The following SLC12A5 variants were observed in gnomAD, a reference collection of about 807,000 sequenced individuals.
The protein encoded by SLC12A5 is K-Cl cotransporter 2.
Under a neutral mutation model 124.0 loss-of-function variants are expected in SLC12A5, and 18 were observed. The ratio of observed to expected loss-of-function variants is 0.15; its 90% confidence interval spans 0.10 to 0.22. The LOEUF (loss-of-function observed/expected upper bound fraction) is 0.22, where lower values mean the gene tolerates loss of function less well. Among genes scored for constraint, SLC12A5 ranks in the 10% least tolerant of loss-of-function variants. SLC12A5 has a pLI of 1.00. For synonymous variants in SLC12A5, 589 were observed against 568.0 expected (o/e 1.04, Z -0.53); for missense variants, 867 against 1,478.7 (o/e 0.59, Z 6.78).
In SLC12A5 at chr20:46,057,878, G is replaced by T. The variant is rs1319703650; in HGVS notation, c.*273G>T. On this transcript the variant is annotated 3_prime_UTR_variant, in exon 26 of 26. Coordinates refer to ENST00000243964, the MANE Select transcript of SLC12A5 (RefSeq NM_020708.5). This position sits in a 1 kb window ranked among gnomAD's most constrained non-coding sequence, Gnocchi z 7.1. ...CCGGCCTCGTCTCGCCGGAGGAGAC[G>T]CTGCAATAAAGGTTGGGAGAAGGCG... 4 of 408,774 alleles carry T rather than the reference G, an allele frequency of 9.8e-6. No individual in the cohort carries two copies. Among genetic ancestry groups the T allele is most frequent in the Non-Finnish European group, 4.3e-6 (1 of 230,598 alleles). 25.3% of individuals were successfully genotyped at this position (408,774 alleles called of 1,614,324 possible). A position where few individuals can be genotyped will look rare whatever the true frequency, so the allele number is the denominator to read the frequency against.
At chr20:46,021,782 C>T (rs2084356722), upstream of SLC12A5, 1 of 1,532,962 alleles carries the variant, frequency 6.5e-7, no homozygotes, top group Non-Finnish European at 8.7e-7. Context: ...CGCAGGTTCA[C>T]GGTCACCTCG....
rs77043119 is a variant in SLC12A5, at chr20:46,035,663, G to A, written c.280-114G>A. 639 of 1,511,302 alleles carry A rather than the reference G, an allele frequency of 4.2e-4. 8 individuals are homozygous for A. The East Asian group carries it at 0.013, about 31-fold the overall frequency. The allele number at this position is 1,511,302 out of a possible 1,614,324, so 93.6% of individuals were successfully genotyped here. A position where few individuals can be genotyped will look rare whatever the true frequency, so the allele number is the denominator to read the frequency against. The stretch of plus-strand genomic sequence containing the variant: ...ACAAATCAGAAAGAAGAGGGATGAA[G>A]GGTTGAGAATAGAGAGAAGAGGAAG... On this transcript the variant is annotated intron_variant, in intron 3 of 25. Transcript: ENST00000243964.
intron 9 of SLC12A5, 67 bp downstream of exon 9, chr20:46,043,390 A>T: frequency 3.2e-6 from 5 of 1,555,216 alleles, no homozygotes; most frequent in Non-Finnish European, 3.5e-6. Flanking sequence ...GTCGATGATG[A>T]TGTTGGGAAT....
intron 16 of SLC12A5, 125 bp downstream of exon 16, chr20:46,048,210 A>G (rs935417181): frequency 2.0e-5 from 15 of 759,634 alleles, no homozygotes; most frequent in African/African-American, 1.9e-4. Flanking sequence ...TCGTGCCCTA[A>G]AAGCCCAGCC....
chr20:46,054,899 C>T lies in SLC12A5; in HGVS notation c.2680-17C>T, dbSNP rs754414845. The T allele has an allele frequency of 6.3e-7, 1 of 1,598,106 alleles. No individual in the cohort carries two copies. The highest frequency in any genetic ancestry group is 2.2e-5 in the East Asian group (1 of 44,720). On this transcript the variant is annotated splice_polypyrimidine_tract_variant and intron_variant, in intron 20 of 25. Transcript: ENST00000243964. ...TCCTCTCCCCACCCCCCAACCCCAA[C>T]CTCTGTCTGCCCACAGCATGAGAGC...
chr20:46,048,304 C>A (rs1045339032), intron 16 of SLC12A5, among the ~76,000 whole-genome samples: 21 of 152,188 alleles, frequency 1.4e-4, no homozygotes, highest in African/African-American at 4.8e-4. Flanking sequence ...CCACATACCC[C>A]ACCATGCTAG....
upstream of SLC12A5, among the ~76,000 whole-genome samples, chr20:46,024,452 G>A (rs1451328291): frequency 6.6e-6 from 1 of 152,140 alleles, no homozygotes; most frequent in Non-Finnish European, 1.5e-5. Flanking sequence ...GGCTACTTAG[G>A]GGAACCCAGC....
chr20:46,052,148 C>T (rs1036211806), intron 18 of SLC12A5, among the ~76,000 whole-genome samples: 2 of 152,234 alleles, frequency 1.3e-5, no homozygotes, highest in Non-Finnish European at 2.9e-5. Flanking sequence ...AGCTACAGCT[C>T]TGAAGTCACA....
At position 46,045,500 on chromosome 20, in the gene SLC12A5, G is replaced by A. The variant is rs1047727756; in HGVS notation, c.1569+360G>A. ...TGTTTTGGCACTGTGGTTGGTCGGA[G>A]ACCTGGGGAGGCAGTCAAAGGGCAA... On this transcript the variant is annotated intron_variant, in intron 12 of 25. Transcript: ENST00000243964. The surrounding 1 kb of genome is among the most constrained non-coding windows in gnomAD (Gnocchi z 4.9). Among the ~76,000 whole-genome samples, 3 of 152,116 alleles carry A rather than the reference G, an allele frequency of 2.0e-5. No individual in the cohort carries two copies. Among genetic ancestry groups the A allele is most frequent in the African/African-American group, 7.2e-5 (3 of 41,408 alleles).
At position 46,047,472 on chromosome 20, in the gene SLC12A5, C is replaced by T. The variant is rs140595322; in HGVS notation, c.1806C>T (p.Gly602=). The change falls in exon 15 of 26, where the codon GGC becomes GGT. Residue 602 remains glycine, a synonymous_variant. Transcript: ENST00000243964. ...RYYHWTLSFL[G]MSLCLALMFI... ...TGTCTAGGACCCTCTCCTTCCTGGG[C>T]ATGAGCCTCTGCCTGGCCCTCATGT... 2.7e-5 allele frequency: 43 copies of T among 1,613,938 alleles called. No homozygotes were observed. Among genetic ancestry groups the T allele is most frequent in the Non-Finnish European group, 3.4e-5 (40 of 1,179,938 alleles).
intron 17 of SLC12A5, among the ~76,000 whole-genome samples, chr20:46,051,205 A>T (rs764093734): frequency 3.3e-5 from 5 of 152,182 alleles, no homozygotes; most frequent in Admixed American, 1.3e-4. Context: ...CTCATAGTAC[A>T]GTTTAAATGG....
chr20:46,048,105 G>C lies in SLC12A5; in HGVS notation c.2012+20G>C, dbSNP rs756884412. On this transcript the variant is annotated intron_variant, in intron 16 of 25. Coordinates refer to ENST00000243964, the MANE Select transcript of SLC12A5 (RefSeq NM_020708.5). ...CTGGAGGTTAGTGGTGAGGGCACGG[G>C]TGTGCATAAGAGTGTGTGTGCATGA... 2.5e-6 allele frequency: 4 copies of C among 1,594,744 alleles called. No individual in the cohort carries two copies. The East Asian group carries it at 9.0e-5, about 36-fold the overall frequency.
At chr20:46,024,231 C>G (rs576082403), upstream of SLC12A5, among the ~76,000 whole-genome samples, 31 of 151,914 alleles carry the variant, frequency 2.0e-4, no homozygotes, top group Non-Finnish European at 4.1e-4. Context: ...GTGACTCACT[C>G]AGTGCTTCTG....
intron 5 of SLC12A5, among the ~76,000 whole-genome samples, 191 bp downstream of exon 5, chr20:46,036,986 C>T (rs1194230787): frequency 6.6e-6 from 1 of 151,776 alleles, no homozygotes; most frequent in East Asian, 1.9e-4. Context: ...CAGCCCTCCC[C>T]CAACTCATCC....
chr20:46,043,572 T>C (rs977024776), intron 9 of SLC12A5, 61 bp from the exon 10 acceptor site: 12 of 1,557,732 alleles, frequency 7.7e-6, no homozygotes, highest in Non-Finnish European at 8.8e-6. Flanking sequence ...TGCCCTTTTT[T>C]CTCATCTGTC....
Position 46,059,370 on chromosome 20 carries a change from C to T in SLC12A5, c.*1765C>T, listed in dbSNP as rs535643953. The stretch of plus-strand genomic sequence containing the variant: ...AGGTCTGCCAGTTACACCAAGTCCC[C>T]TCTGAGATTCGATCAGGGGACTGGA... On this transcript the variant is annotated 3_prime_UTR_variant, in exon 26 of 26. Transcript: ENST00000243964. The T allele has an allele frequency of 1.3e-5, 5 of 390,780 alleles. No homozygotes were observed. Among genetic ancestry groups the T allele is most frequent in the Non-Finnish European group, 2.3e-5 (5 of 221,794 alleles). The allele number at this position is 390,780 out of a possible 1,614,324, so 24.2% of individuals were successfully genotyped here.
At chr20:46,022,968 G>GGAGGAGGAGGAGGAA in exon 2 of SLC12A5, 1 of 385,540 alleles carries the variant, frequency 2.6e-6, no homozygotes, top group Non-Finnish European at 4.5e-6. Flanking sequence ...AGGAGGAGGA[G>GGAGGAGGAGGAGGAA]GAGGAGGAAG....
chr20:46,029,887 TGTGCGCGC>T (rs1308006240), intron 1 of SLC12A5, among the ~76,000 whole-genome samples: 2 of 112,866 alleles, frequency 1.8e-5, no homozygotes, highest in African/African-American at 4.1e-5. Context: ...TGTGTGTGTG[TGTGCGCGC>T]GCGTGCGTAT....
chr20:46,055,949 G>A (rs1197127094), intron 21 of SLC12A5: 11 of 657,316 alleles, frequency 1.7e-5, no homozygotes, highest in South Asian at 1.5e-4. Context: ...TGCCAGATGA[G>A]GTCTGGGGTT....
Sources: allele counts gnomAD v4.1 joint callset (sites outside exome capture counted in the v4.1 genomes callset), GRCh38; gene constraint gnomAD v4.1.1; non-coding constraint Gnocchi (gnomAD v3.1); transcripts MANE v1.5; gene names NCBI Gene and HGNC (gene_info 2026-07-23, HGNC 2026-07-21).